Variants in MEF2C observed in about 807,000 individuals in gnomAD.
MEF2C encodes myocyte-specific enhancer factor 2C.
A neutral mutation model predicts 50.5 loss-of-function variants in MEF2C; 6 were observed. The observed-to-expected ratio is 0.12, with a 90% CI of 0.07 to 0.23. MEF2C has a LOEUF of 0.23. Among genes scored for constraint, MEF2C ranks in the 10% least tolerant of loss-of-function variants. The probability of loss-of-function intolerance (pLI) is 1.00; values close to 1 mark genes in which losing one functional copy is unlikely to be tolerated. For missense variants in MEF2C, 276 were observed against 605.0 expected, an observed-to-expected ratio of 0.46 and a Z score of 5.70; for synonymous variants, 183 against 228.0, an observed-to-expected ratio of 0.80 and a Z score of 1.78.
At chr5:88,763,207 C>T (rs771453186) in intron 3 of MEF2C, among the ~76,000 whole-genome samples, 3 of 152,250 alleles carry the variant, frequency 2.0e-5, no homozygotes, top group East Asian at 1.9e-4. Context: ...TATTTTGACA[C>T]AGCATGATAA....
chr5:88,879,060 T>A (rs1831997925), intron 1 of MEF2C, among the ~76,000 whole-genome samples: 1 of 152,052 alleles, frequency 6.6e-6, no homozygotes, highest in Non-Finnish European at 1.5e-5. Context: ...TCTATCTTAT[T>A]ATAATAGTGC....
intron 2 of MEF2C, among the ~76,000 whole-genome samples, chr5:88,815,150 T>G (rs1804741030): frequency 6.6e-6 from 1 of 152,086 alleles, no homozygotes; most frequent in South Asian, 2.1e-4. Flanking sequence ...GATTAATATT[T>G]TGGGGGCAAA....
At chr5:88,863,824 C>CTTTTTT (rs369890636) in intron 1 of MEF2C, among the ~76,000 whole-genome samples, 2 of 142,640 alleles carry the variant, frequency 1.4e-5, no homozygotes, top group Non-Finnish European at 3.1e-5. Flanking sequence ...ATTTCTTTTT[C>CTTTTTT]TTTTTTTTTT....
At position 88,798,818 on chromosome 5, in the gene MEF2C, G is replaced by A. The variant is rs368036952; in HGVS notation, c.258+5780C>T. ...CTTTGATGCTGGTGACCTTTGGATG[G>A]GGTTTTGGTGCAGACATCCTTTTTG... On this transcript the variant is annotated intron_variant, in intron 3 of 10. Transcript: ENST00000504921. 2.3e-4 allele frequency among the ~76,000 whole-genome samples: 35 copies of A among 152,216 alleles called. No homozygotes were observed. The South Asian group carries it at 5.4e-3, about 23-fold the overall frequency.
intron 3 of MEF2C, among the ~76,000 whole-genome samples, chr5:88,762,156 T>C (rs553158214): frequency 1.0e-3 from 152 of 152,320 alleles, no homozygotes; most frequent in African/African-American, 3.5e-3. Flanking sequence ...AAAAAGTCAG[T>C]GCCTCATCTT....
chr5:88,862,718 G>C (rs899672308), intron 1 of MEF2C, among the ~76,000 whole-genome samples: 2 of 152,150 alleles, frequency 1.3e-5, no homozygotes, highest in African/African-American at 4.8e-5. Flanking sequence ...TTGCAGGGGA[G>C]GACCCGGATC....
chr5:88,744,000 A>C, intron 6 of MEF2C: 2 of 961,654 alleles, frequency 2.1e-6, no homozygotes, highest in Non-Finnish European at 2.5e-6. Flanking sequence ...TGTTCAAAGG[A>C]ATTCCTAAAG....
intron 1 of MEF2C, among the ~76,000 whole-genome samples, chr5:88,850,742 ACATAT>A (rs1821022723): frequency 6.6e-6 from 1 of 151,962 alleles, no homozygotes; most frequent in African/African-American, 2.4e-5. Context: ...ACACACACAT[ACATAT>A]AATTATTTAA....
At chr5:88,768,607 C>G in intron 3 of MEF2C, 9 of 804,372 alleles carry the variant, frequency 1.1e-5, no homozygotes, top group Non-Finnish European at 1.4e-5. Context: ...TAGCACAAGG[C>G]CTGGCAAGTG....
chr5:88,814,884 C>A (rs1013613639), intron 2 of MEF2C, among the ~76,000 whole-genome samples: 9 of 152,088 alleles, frequency 5.9e-5, no homozygotes, highest in African/African-American at 2.4e-5. Context: ...AAATTGTTAA[C>A]TTGATCAGGA....
chr5:88,847,038 C>A (rs1036210514), intron 1 of MEF2C, among the ~76,000 whole-genome samples: 1 of 152,096 alleles, frequency 6.6e-6, no homozygotes, highest in Non-Finnish European at 1.5e-5. Flanking sequence ...CTTTTTATAT[C>A]AAAAATGTCA....
At chr5:88,772,803 T>C (rs1782975309) in intron 3 of MEF2C, 22 of 985,462 alleles carry the variant, frequency 2.2e-5, no homozygotes, top group Non-Finnish European at 2.7e-5. Flanking sequence ...GTTTTGGTTA[T>C]TCTATAGTGA....
intron 1 of MEF2C, among the ~76,000 whole-genome samples, chr5:88,847,958 G>T (rs951827298): frequency 9.2e-5 from 14 of 152,068 alleles, no homozygotes; most frequent in Non-Finnish European, 2.9e-5. Context: ...AATTACAAAA[G>T]TTAGAGTCAA....
At chr5:88,809,222 C>A (rs75935556) in intron 2 of MEF2C, among the ~76,000 whole-genome samples, 1,906 of 152,020 alleles carry the variant, frequency 0.013, 25 homozygotes, top group Non-Finnish European at 0.019. Flanking sequence ...GCTCTAGAAC[C>A]TATTAGGTGC....
chr5:88,735,114 T>C (rs1763552154), intron 6 of MEF2C: 2 of 985,282 alleles, frequency 2.0e-6, no homozygotes, highest in Admixed American at 6.2e-5. Context: ...AACCTATGAT[T>C]TGAAAATCAA....
intron 1 of MEF2C, among the ~76,000 whole-genome samples, chr5:88,867,905 AACCTATC>A (rs1025397425): frequency 6.6e-6 from 1 of 152,220 alleles, no homozygotes; most frequent in African/African-American, 2.4e-5. Flanking sequence ...ACTGCAGTCC[AACCTATC>A]ATTACGCGTG....
At chr5:88,820,226 G>T (rs1807606117) in intron 2 of MEF2C, among the ~76,000 whole-genome samples, 1 of 151,852 alleles carries the variant, frequency 6.6e-6, no homozygotes, top group South Asian at 2.1e-4. Context: ...AACTAAGAAA[G>T]AAATAGTTTT....
chr5:88,742,573 A>C (rs618298), intron 6 of MEF2C: 1 of 983,072 alleles, frequency 1.0e-6, no homozygotes, highest in Admixed American at 6.2e-5. Context: ...AAAGGGCTCT[A>C]AAATCTGCTA....
intron 2 of MEF2C, among the ~76,000 whole-genome samples, chr5:88,810,633 A>G (rs1379540541): frequency 6.6e-6 from 1 of 152,182 alleles, no homozygotes; most frequent in Admixed American, 6.6e-5. Context: ...ACTGGATGGT[A>G]GTAATTTAGC....
Sources: gnomAD v4.1 joint callset for allele counts (sites outside exome capture counted in the v4.1 genomes callset) on GRCh38, gnomAD v4.1.1 for gene constraint, MANE v1.5 for transcripts, NCBI Gene and HGNC (gene_info 2026-07-23, HGNC 2026-07-21) for gene names.